Variants in GRIP1 observed in about 807,000 individuals in gnomAD.
GRIP1 encodes glutamate receptor interacting protein 1.
A neutral mutation model predicts 129.9 loss-of-function variants in GRIP1; 45 were observed. The observed-to-expected ratio is 0.35, with a 90% CI of 0.27 to 0.44. The LOEUF (loss-of-function observed/expected upper bound fraction) is 0.44. GRIP1 is among the 20% of genes least tolerant of loss of function. The pLI is 1.00. For missense variants in GRIP1, 1,196 were observed against 1,396.8 expected (o/e 0.86, Z 2.29); for synonymous variants, 530 against 520.8 (o/e 1.02, Z -0.24).
chr12:66,386,588 C>T (rs1022167522), intron 19 of GRIP1, among the ~76,000 whole-genome samples: 4 of 151,934 alleles, frequency 2.6e-5, no homozygotes, highest in African/African-American at 4.8e-5. Context: ...GAGCTGAGAT[C>T]GCACCACTGC....
intron 2 of GRIP1, among the ~76,000 whole-genome samples, chr12:66,578,232 G>GTTCTTTTTTTTTTTTT (rs2063212362): frequency 9.8e-6 from 1 of 102,514 alleles, no homozygotes; most frequent in Non-Finnish European, 1.9e-5. Context: ...CAAAACCGCG[G>GTTCTTTTTTTTTTTTT]TTTTTTTTTT....
intron 2 of GRIP1, among the ~76,000 whole-genome samples, chr12:66,589,648 A>G (rs376563368): frequency 6.6e-6 from 1 of 152,206 alleles, no homozygotes. Context: ...ATATAAAATT[A>G]CAGAGAGTAA....
upstream of GRIP1, among the ~76,000 whole-genome samples, chr12:66,683,473 C>T (rs2034662951): frequency 6.6e-6 from 1 of 152,122 alleles, no homozygotes; most frequent in African/African-American, 2.4e-5. Context: ...TTGCCCAAGA[C>T]AGAATTTATC....
At chr12:66,989,180 C>T (rs1361804366) in intron 1 of GRIP1, among the ~76,000 whole-genome samples, 2 of 152,202 alleles carry the variant, frequency 1.3e-5, no homozygotes, top group Non-Finnish European at 2.9e-5. Context: ...AAATTTCCAA[C>T]CAAAGTTCTA....
intron 7 of GRIP1, among the ~76,000 whole-genome samples, chr12:66,475,626 G>T (rs1377308296): frequency 3.9e-5 from 6 of 152,140 alleles, no homozygotes; most frequent in African/African-American, 1.4e-4. Context: ...ATAACAAACT[G>T]TCTCTCAGAC....
intron 14 of GRIP1, among the ~76,000 whole-genome samples, chr12:66,424,100 A>G (rs2057900885): frequency 6.6e-6 from 1 of 152,136 alleles, no homozygotes; most frequent in Admixed American, 6.5e-5. Flanking sequence ...GCATTATTTG[A>G]GTCATTTACA....
At chr12:66,512,526 T>C (rs916063710) in intron 7 of GRIP1, among the ~76,000 whole-genome samples, 2 of 144,146 alleles carry the variant, frequency 1.4e-5, no homozygotes, top group Admixed American at 7.0e-5. Flanking sequence ...AGTCCATAAA[T>C]AACTTTGAAG....
At chr12:66,367,193 AAG>A (rs1164065698) in intron 23 of GRIP1, among the ~76,000 whole-genome samples, 1 of 152,166 alleles carries the variant, frequency 6.6e-6, no homozygotes, top group Admixed American at 6.6e-5. Flanking sequence ...CTTATCTGCA[AAG>A]AGAGAGAATC....
At chr12:66,795,543 T>C (rs906853081) in intron 1 of GRIP1, among the ~76,000 whole-genome samples, 3 of 152,190 alleles carry the variant, frequency 2.0e-5, no homozygotes, top group African/African-American at 2.4e-5. Flanking sequence ...AGGAATTTCA[T>C]CTTACATTAA....
intron 2 of GRIP1, among the ~76,000 whole-genome samples, chr12:66,548,093 T>C (rs2062004065): frequency 6.6e-6 from 1 of 152,216 alleles, no homozygotes; most frequent in Non-Finnish European, 1.5e-5. Context: ...GATTCTAACA[T>C]GCAGCTAGAA....
At position 66,732,440 on chromosome 12, in the gene GRIP1, T is replaced by C. The variant is rs150273488; in HGVS notation, c.-420+71613A>G. ...TGTTGGTGCACACCTGTAGTCCCAG[T>C]TACTTGGGAGGCGGAGGTGGGAGGA... On this transcript the variant is annotated intron_variant, in intron 1 of 4. Coordinates refer to the GRIP1 transcript ENST00000538373. Among the ~76,000 whole-genome samples, 496 of 152,086 alleles carry C rather than the reference T, an allele frequency of 3.3e-3. 4 individuals carry two copies. Among genetic ancestry groups the C allele is most frequent in the African/African-American group, 0.011 (463 of 41,478 alleles).
At chr12:66,838,916 G>T (rs1036277274) in intron 1 of GRIP1, among the ~76,000 whole-genome samples, 3 of 152,126 alleles carry the variant, frequency 2.0e-5, no homozygotes, top group Non-Finnish European at 2.9e-5. Context: ...CGCTGAAAAA[G>T]ACATTTTAAA....
intron 1 of GRIP1, among the ~76,000 whole-genome samples, chr12:66,928,401 T>C (rs368824397): frequency 1.3e-5 from 2 of 152,244 alleles, no homozygotes; most frequent in East Asian, 1.9e-4. Flanking sequence ...CTCTAACCTT[T>C]GTGTTTAATA....
intron 1 of GRIP1, among the ~76,000 whole-genome samples, chr12:66,663,400 G>A (rs752747724): frequency 7.2e-5 from 11 of 152,196 alleles, no homozygotes; most frequent in Non-Finnish European, 1.5e-4. Context: ...TAGAGTGTAT[G>A]AAGGTCATCT....
At chr12:66,366,947 G>A (rs1294563336) in intron 23 of GRIP1, among the ~76,000 whole-genome samples, 1 of 152,160 alleles carries the variant, frequency 6.6e-6, no homozygotes. Flanking sequence ...GCCTCCCAAA[G>A]TACTGGGATT....
rs898808418 is a variant in GRIP1 at position 66,588,237 on chromosome 12, A to G, written c.136+8610T>C. Reference sequence around the variant, plus strand: ...CCTTGACTGGAAAGCTCTGAAAGGCATAAGTGTATGGAACGAACTGTAACA... The same window carrying G: ...CCTTGACTGGAAAGCTCTGAAAGGCGTAAGTGTATGGAACGAACTGTAACA... On this transcript the variant is annotated intron_variant, in intron 2 of 24. Transcript: ENST00000359742. Among the ~76,000 whole-genome samples, 12 of 152,200 alleles carry G rather than the reference A, an allele frequency of 7.9e-5. 1 individual carries two copies. The East Asian group carries it at 1.7e-3, about 22-fold the overall frequency.
At chr12:66,365,880 T>G (rs148197952) in intron 23 of GRIP1, among the ~76,000 whole-genome samples, 1 of 152,072 alleles carries the variant, frequency 6.6e-6, no homozygotes. Flanking sequence ...CAGAAAAAAA[T>G]GCTATCTTGT....
chr12:66,651,349 G>C (rs996985651), intron 1 of GRIP1, among the ~76,000 whole-genome samples: 1 of 152,216 alleles, frequency 6.6e-6, no homozygotes, highest in African/African-American at 2.4e-5. Context: ...AAAAGCCTGA[G>C]GCTGGAGGAG....
intron 1 of GRIP1, among the ~76,000 whole-genome samples, chr12:66,882,055 TC>T (rs2040487705): frequency 6.6e-6 from 1 of 152,092 alleles, no homozygotes; most frequent in African/African-American, 2.4e-5. Flanking sequence ...CTTGCTCCTT[TC>T]TTTTCCCTCC....
Sources: gnomAD v4.1 joint callset for allele counts (sites outside exome capture counted in the v4.1 genomes callset) on GRCh38, gnomAD v4.1.1 for gene constraint, MANE v1.5 for transcripts, NCBI Gene and HGNC (gene_info 2026-07-23, HGNC 2026-07-21) for gene names.